The following SYT11 variants were observed in gnomAD, a reference collection of about 807,000 sequenced individuals.
SYT11 encodes the protein synaptotagmin-11.
SYT11 carries 12 observed loss-of-function variants against 30.4 expected under a neutral mutation model. The observed-to-expected ratio is 0.39, with a 90% CI of 0.25 to 0.64. The LOEUF (loss-of-function observed/expected upper bound fraction) is 0.64. SYT11 is among the 30% of genes least tolerant of loss of function. SYT11 has a pLI of 0.45. For synonymous variants in SYT11, 204 were observed against 216.0 expected (o/e 0.94, Z 0.49); for missense variants, 412 against 552.0 (o/e 0.75, Z 2.54).
chr1:155,877,677 C>G (rs1672888643), intron 2 of SYT11, among the ~76,000 whole-genome samples: 1 of 152,028 alleles, frequency 6.6e-6, no homozygotes, highest in Non-Finnish European at 1.5e-5. Flanking sequence ...CCGCAGCCTC[C>G]CCAGTTGCTG....
Position 155,859,649 on chromosome 1 carries a change from C to G in SYT11, c.-113C>G. 1 of 1,026,144 alleles carries G rather than the reference C, an allele frequency of 9.7e-7. No individual in the cohort carries two copies. The highest frequency in any genetic ancestry group is 1.5e-6 in the Non-Finnish European group (1 of 651,136). The allele number at this position is 1,026,144 out of a possible 1,614,324, so 63.6% of individuals were successfully genotyped here. A position where few individuals can be genotyped will look rare whatever the true frequency, so the allele number is the denominator to read the frequency against. ...GTCGCAGGAGGCGTCCGCTGGATACCTTCCCCCTTCCCTGACCTAGAGCTC... is the reference window on the plus strand; with the variant it reads ...GTCGCAGGAGGCGTCCGCTGGATACGTTCCCCCTTCCCTGACCTAGAGCTC... On this transcript the variant is annotated 5_prime_UTR_variant, in exon 1 of 4. Transcript: ENST00000368324.
At chr1:155,862,827 T>C (rs903450077) in intron 1 of SYT11, among the ~76,000 whole-genome samples, 5 of 152,254 alleles carry the variant, frequency 3.3e-5, no homozygotes, top group Admixed American at 2.0e-4. Flanking sequence ...TAGCAAACAA[T>C]TTGCAGGAAA....
At chr1:155,872,963 C>A (rs570055725) in intron 2 of SYT11, among the ~76,000 whole-genome samples, 2 of 151,934 alleles carry the variant, frequency 1.3e-5, no homozygotes, top group Non-Finnish European at 2.9e-5. Context: ...AAAAGGGTAA[C>A]CAGAAGTTGT....
Position 155,868,144 on chromosome 1 carries a change from A to G in SYT11, c.214A>G (p.Lys72Glu). 1 of 1,614,032 alleles carries G rather than the reference A, an allele frequency of 6.2e-7. No individual in the cohort carries two copies. Among genetic ancestry groups the G allele is most frequent in the East Asian group, 2.2e-5 (1 of 44,868 alleles). Residue 72 changes from lysine (K) to glutamate (E), a missense_variant, in exon 2 of 4, where the codon AAG (lysine) becomes GAG (glutamate). Transcript: ENST00000368324. This position sits in a 1 kb window ranked among gnomAD's most constrained non-coding sequence, Gnocchi z 4.7. ...CATATACCCAGAGACCCTCAGCAAC[A>G]AGAAGAAAATCATCAAAGTGCGGAG... ...ISIYPETLSN[K>E]KKIIKVRRDK...
Position 155,859,777 on chromosome 1 carries a change from A to G in SYT11, c.16A>G (p.Asn6Asp). The change falls in exon 1 of 4, where the codon AAT (asparagine) becomes GAT (aspartate). Residue 6 changes from asparagine to aspartate, a missense_variant. By Grantham distance (23) the Asn-to-Asp change is conservative. Coordinates refer to ENST00000368324, the MANE Select transcript of SYT11 (RefSeq NM_152280.5). MAEIT[N>D]IRPSFDVSPV... ...TGATTACGACATGGCTGAGATCACCAATATCCGACCTAGCTTTGGTAAGTA... is the reference window on the plus strand; with the variant it reads ...TGATTACGACATGGCTGAGATCACCGATATCCGACCTAGCTTTGGTAAGTA... 1 of 1,614,208 alleles carries G rather than the reference A, an allele frequency of 6.2e-7. No individual in the cohort carries two copies. The highest frequency in any genetic ancestry group is 8.5e-7 in the Non-Finnish European group (1 of 1,180,000).
At position 155,884,750 on chromosome 1, in the gene SYT11, A is replaced by C. The variant is rs1023222690; in HGVS notation, c.*3242A>C. ...AGACAAGAATTTTTCTTAATAACAA[A>C]GGTCCCTTTATGAGTTATTCCTTCT... On this transcript the variant is annotated 3_prime_UTR_variant, in exon 4 of 4. Coordinates refer to ENST00000368324, the MANE Select transcript of SYT11 (RefSeq NM_152280.5). The C allele has an allele frequency of 6.5e-6, 1 of 152,794 alleles. No homozygotes were observed. The highest frequency in any genetic ancestry group is 1.5e-5 in the Non-Finnish European group (1 of 68,046). The allele number at this position is 152,794 out of a possible 1,614,324, so 9.5% of individuals were successfully genotyped here. A position where few individuals can be genotyped will look rare whatever the true frequency, so the allele number is the denominator to read the frequency against.
intron 1 of SYT11, among the ~76,000 whole-genome samples, chr1:155,863,661 C>T (rs1028297500): frequency 6.6e-6 from 1 of 152,180 alleles, no homozygotes; most frequent in African/African-American, 2.4e-5. Flanking sequence ...TGGCTCATGC[C>T]TGTAATCCTA....
In SYT11 at chr1:155,859,735, G is replaced by A. The variant is rs780996156; in HGVS notation, c.-27G>A. On this transcript the variant is annotated 5_prime_UTR_variant, in exon 1 of 4. Transcript: ENST00000368324. ...AGAGCTGTCTCACCATTGCAAAAAC[G>A]TTATAGCAACAGCCTCTGATTACGA... 4 of 1,613,476 alleles carry A rather than the reference G, an allele frequency of 2.5e-6. No homozygotes were observed. Among genetic ancestry groups the A allele is most frequent in the Non-Finnish European group, 3.4e-6 (4 of 1,179,524 alleles).
At chr1:155,872,170 G>A (rs555451328) in intron 2 of SYT11, among the ~76,000 whole-genome samples, 151 of 152,310 alleles carry the variant, frequency 9.9e-4, no homozygotes, top group Admixed American at 1.5e-3. Context: ...AGGCCAAGGC[G>A]GGAAGCCCAG....
chr1:155,862,817 T>C (rs1402613033), intron 1 of SYT11, among the ~76,000 whole-genome samples: 1 of 152,224 alleles, frequency 6.6e-6, no homozygotes, highest in Non-Finnish European at 1.5e-5. Context: ...CACTAATGAG[T>C]AGCAAACAAT....
chr1:155,881,130 A>G, intron 3 of SYT11, 68 bp from the exon 4 acceptor site: 1 of 1,484,934 alleles, frequency 6.7e-7, no homozygotes, highest in Non-Finnish European at 9.1e-7. Context: ...ACATGAAATT[A>G]CCATTACATA....
intron 2 of SYT11, among the ~76,000 whole-genome samples, chr1:155,870,764 TTG>T (rs1235441082): frequency 6.6e-6 from 1 of 152,032 alleles, no homozygotes; most frequent in African/African-American, 2.4e-5. Flanking sequence ...GGAGCACACT[TTG>T]TGTGTGTGTA....
rs771315149 is a variant in SYT11 at position 155,868,073 on chromosome 1, A to G, written c.143A>G (p.Gln48Arg). The G allele has an allele frequency of 1.2e-6, 2 of 1,614,036 alleles. No individual in the cohort carries two copies. Among genetic ancestry groups the G allele is most frequent in the Non-Finnish European group, 1.7e-6 (2 of 1,179,998 alleles). The stretch of plus-strand genomic sequence containing the variant: ...TGCCACCAGCAGGCAGAGAAGAAGC[A>G]GAAGAACCCACCATACAAGTTTATT... The part of the protein sequence containing the change: ...SCCHQQAEKK[Q>R]KNPPYKFIHM... The change falls in exon 2 of 4, where the codon CAG becomes CGG. Residue 48 changes from glutamine (Q) to arginine (R), a missense_variant. By Grantham distance (43) the Gln-to-Arg change is conservative. Transcript: ENST00000368324. The surrounding 1 kb of genome is among the most constrained non-coding windows in gnomAD (Gnocchi z 4.7).
At position 155,882,600 on chromosome 1, in the gene SYT11, A is replaced by C. The variant is rs1274332796; in HGVS notation, c.*1092A>C. 2 of 152,374 alleles carry C rather than the reference A, an allele frequency of 1.3e-5. No homozygotes were observed. The highest frequency in any genetic ancestry group is 4.8e-5 in the African/African-American group (2 of 41,460). The allele number at this position is 152,374 out of a possible 1,614,324, so 9.4% of individuals were successfully genotyped here. A position where few individuals can be genotyped will look rare whatever the true frequency, so the allele number is the denominator to read the frequency against. On this transcript the variant is annotated 3_prime_UTR_variant, in exon 4 of 4. Transcript: ENST00000368324. ...CAGAACTTGGATTTTATCAAACTTG[A>C]TGACTTCTCTAAAAGGAGCTTTGGA...
chr1:155,877,750 G>T (rs1243004429), intron 2 of SYT11, among the ~76,000 whole-genome samples: 2 of 151,668 alleles, frequency 1.3e-5, no homozygotes, highest in Admixed American at 1.3e-4. Flanking sequence ...TAGATACCAG[G>T]TTTCACCGTG....
chr1:155,861,618 G>C (rs939304637), intron 1 of SYT11, among the ~76,000 whole-genome samples: 1 of 152,124 alleles, frequency 6.6e-6, no homozygotes, highest in Non-Finnish European at 1.5e-5. Flanking sequence ...GCACTAGTTT[G>C]TTTTTGTTTT....
intron 1 of SYT11, among the ~76,000 whole-genome samples, chr1:155,865,777 A>G (rs2102555599): frequency 6.6e-6 from 1 of 152,066 alleles, no homozygotes; most frequent in Non-Finnish European, 1.5e-5. Flanking sequence ...TCCTGGGCTC[A>G]AGTGATCCTC....
In SYT11 at chr1:155,883,921, C is replaced by G. The variant is rs563263188; in HGVS notation, c.*2413C>G. On this transcript the variant is annotated 3_prime_UTR_variant, in exon 4 of 4. Transcript: ENST00000368324. ...CTTGTCCCTGCCAACCCCCACCCCC[C>G]ATAATCTGACTCACAACTTCACCAT... 2.6e-5 allele frequency: 4 copies of G among 152,520 alleles called. No homozygotes were observed. The highest frequency in any genetic ancestry group is 4.4e-5 in the Non-Finnish European group (3 of 68,108). The allele number at this position is 152,520 out of a possible 1,614,324, so 9.4% of individuals were successfully genotyped here.
chr1:155,877,722 T>A (rs1445588622), intron 2 of SYT11, among the ~76,000 whole-genome samples: 1 of 151,640 alleles, frequency 6.6e-6, no homozygotes, highest in Non-Finnish European at 1.5e-5. Context: ...CCCGGCTAAT[T>A]TTTTTGTATT....
Sources: gnomAD v4.1 joint callset for allele counts (sites outside exome capture counted in the v4.1 genomes callset) on GRCh38, gnomAD v4.1.1 for gene constraint, Gnocchi (gnomAD v3.1) non-coding constraint, MANE v1.5 for transcripts, NCBI Gene and HGNC (gene_info 2026-07-23, HGNC 2026-07-21) for gene names.